Variants in NCAM2 observed in about 807,000 individuals in gnomAD.
The protein encoded by NCAM2 is neural cell adhesion molecule 2, also known as N-CAM-2.
A neutral mutation model predicts 98.1 loss-of-function variants in NCAM2; 30 were observed. That is an observed-to-expected ratio of 0.31 (90% CI 0.23 to 0.41). The LOEUF (loss-of-function observed/expected upper bound fraction) is 0.41, where lower values mean the gene tolerates loss of function less well. NCAM2 is among the 10% of genes least tolerant of loss of function. NCAM2 has a pLI of 1.00. For missense variants in NCAM2, 867 were observed against 1,005.8 expected (o/e 0.86, Z 1.87); for synonymous variants, 368 against 342.4 (o/e 1.07, Z -0.83).
intron 1 of NCAM2, among the ~76,000 whole-genome samples, chr21:21,054,200 C>T (rs1224894172): frequency 6.6e-6 from 1 of 151,898 alleles, no homozygotes; most frequent in African/African-American, 2.4e-5. Flanking sequence ...ATTGAATAAT[C>T]TGAATTAGAA....
chr21:21,236,686 T>C (rs1489170456), intron 1 of NCAM2, among the ~76,000 whole-genome samples: 1 of 152,054 alleles, frequency 6.6e-6, no homozygotes, highest in Non-Finnish European at 1.5e-5. Flanking sequence ...TAATAAACTT[T>C]TAGATACCCA....
intron 15 of NCAM2, among the ~76,000 whole-genome samples, chr21:21,492,027 T>G (rs1986885069): frequency 6.6e-6 from 1 of 151,644 alleles, no homozygotes; most frequent in Admixed American, 6.6e-5. Flanking sequence ...ACTGTTGTAG[T>G]AAATATATAT....
chr21:21,352,749 A>G (rs1020427147), intron 8 of NCAM2, among the ~76,000 whole-genome samples: 1 of 150,208 alleles, frequency 6.7e-6, no homozygotes, highest in Non-Finnish European at 1.5e-5. Context: ...AGAAGAATGT[A>G]TAACTAGAAA....
chr21:21,019,649 A>G (rs2064386914), intron 1 of NCAM2, among the ~76,000 whole-genome samples: 1 of 152,100 alleles, frequency 6.6e-6, no homozygotes, highest in African/African-American at 2.4e-5. Flanking sequence ...TTTATTATTT[A>G]TTTTCCAAGC....
At chr21:21,166,258 A>C (rs1440900410) in intron 1 of NCAM2, among the ~76,000 whole-genome samples, 1 of 152,112 alleles carries the variant, frequency 6.6e-6, no homozygotes, top group East Asian at 1.9e-4. Context: ...CCCAGGCTGG[A>C]GTGCAGTGGC....
chr21:21,514,677 T>C (rs1216912119), intron 16 of NCAM2, among the ~76,000 whole-genome samples: 4 of 152,260 alleles, frequency 2.6e-5, no homozygotes, highest in African/African-American at 9.6e-5. Context: ...GAGTTAGGAC[T>C]CCACACACTT....
At position 21,509,011 on chromosome 21, in the gene NCAM2, CAGTGGCAAA is replaced by C; in HGVS notation, c.2242_2250del (p.Gly748_Ser750del). On this transcript the variant is annotated inframe_deletion, in exon 16 of 18. Transcript: ENST00000400546. ...GAATGTGTGGAAAGAAAAGTGGCTC[CAGTGGCAAA>C]AGTAAAGAACTCGAAGAAGGAAAAG... 6.2e-7 allele frequency: 1 copy of C among 1,613,316 alleles called. No homozygotes were observed. Among genetic ancestry groups the C allele is most frequent in the Non-Finnish European group, 8.5e-7 (1 of 1,179,746 alleles).
At chr21:21,130,257 A>G (rs1284587529) in intron 1 of NCAM2, among the ~76,000 whole-genome samples, 1 of 152,214 alleles carries the variant, frequency 6.6e-6, no homozygotes, top group Non-Finnish European at 1.5e-5. Context: ...GCAGTTGGTA[A>G]TACAAGGCTT....
At chr21:21,294,622 G>A (rs2826773) in intron 5 of NCAM2, among the ~76,000 whole-genome samples, 63,894 of 151,618 alleles carry the variant, frequency 0.42, 14,707 homozygotes, top group Non-Finnish European at 0.53. Context: ...TTAAATAACA[G>A]TGTTCATAAA....
chr21:21,038,942 C>T (rs1220460926), intron 1 of NCAM2, among the ~76,000 whole-genome samples: 2 of 152,102 alleles, frequency 1.3e-5, no homozygotes, highest in African/African-American at 4.8e-5. Flanking sequence ...GAATTGTAAC[C>T]GTTTGAATCA....
chr21:21,005,573 A>C (rs1266993269), intron 1 of NCAM2, among the ~76,000 whole-genome samples: 1 of 152,062 alleles, frequency 6.6e-6, no homozygotes, highest in Non-Finnish European at 1.5e-5. Flanking sequence ...CTTCAGAATA[A>C]TTTCTTCACT....
chr21:21,259,426 G>T (rs772426527), intron 1 of NCAM2, among the ~76,000 whole-genome samples: 3 of 138,732 alleles, frequency 2.2e-5, no homozygotes, highest in Admixed American at 7.5e-5. Context: ...TCCTACTCAG[G>T]ATGAGGAGCT....
At chr21:21,327,013 T>G (rs2074532893) in intron 6 of NCAM2, among the ~76,000 whole-genome samples, 1 of 152,200 alleles carries the variant, frequency 6.6e-6, no homozygotes, top group Admixed American at 6.5e-5. Context: ...TCAGTTGTAC[T>G]AGTCAGCTTG....
intron 1 of NCAM2, among the ~76,000 whole-genome samples, chr21:21,084,841 A>T (rs1250913826): frequency 1.3e-5 from 2 of 152,186 alleles, no homozygotes; most frequent in Non-Finnish European, 2.9e-5. Flanking sequence ...AAAATTATAG[A>T]GCTTTATACT....
chr21:21,038,332 T>C (rs992111121), intron 1 of NCAM2, among the ~76,000 whole-genome samples: 1 of 152,222 alleles, frequency 6.6e-6, no homozygotes, highest in African/African-American at 2.4e-5. Context: ...AGAAAAAACA[T>C]ATTTGTTGTT....
At chr21:21,404,933 G>T (rs1034186238) in intron 9 of NCAM2, among the ~76,000 whole-genome samples, 5 of 151,000 alleles carry the variant, frequency 3.3e-5, no homozygotes, top group African/African-American at 4.9e-5. Flanking sequence ...AAACTCTAAG[G>T]GTTTTTATTT....
chr21:21,095,129 A>G (rs536727497), intron 1 of NCAM2, among the ~76,000 whole-genome samples: 1 of 151,792 alleles, frequency 6.6e-6, no homozygotes, highest in South Asian at 2.1e-4. Flanking sequence ...TTAAGTAGTA[A>G]ATTATGTATC....
chr21:21,317,375 A>G (rs2074252087), intron 5 of NCAM2, among the ~76,000 whole-genome samples: 2 of 152,162 alleles, frequency 1.3e-5, no homozygotes, highest in East Asian at 1.9e-4. Context: ...CTTCACACTT[A>G]CTTATACTTT....
chr21:21,153,097 G>A (rs2067495776), intron 1 of NCAM2, among the ~76,000 whole-genome samples: 1 of 150,590 alleles, frequency 6.6e-6, no homozygotes, highest in Non-Finnish European at 1.5e-5. Flanking sequence ...TTTTATTTCT[G>A]TTTTTTAGTT....
Sources: gnomAD v4.1 joint callset for allele counts (sites outside exome capture counted in the v4.1 genomes callset) on GRCh38, gnomAD v4.1.1 for gene constraint, MANE v1.5 for transcripts, NCBI Gene and HGNC (gene_info 2026-07-23, HGNC 2026-07-21) for gene names.